Variants in NWD2 observed in about 807,000 individuals in gnomAD.
The protein encoded by NWD2 is NACHT and WD repeat domain containing 2, also known as NACHT and WD repeat domain-containing protein 2.
A neutral mutation model predicts 132.7 loss-of-function variants in NWD2; 37 were observed. That is an observed-to-expected ratio of 0.28 (90% CI 0.21 to 0.37). The LOEUF (loss-of-function observed/expected upper bound fraction) is 0.37. Ranked by LOEUF, NWD2 falls within the 10% of genes least tolerant of loss-of-function variation. The pLI is 1.00. For missense variants in NWD2, 1,592 were observed against 2,122.4 expected (o/e 0.75, Z 4.91); for synonymous variants, 705 against 803.0 (o/e 0.88, Z 2.06).
intron 1 of NWD2, among the ~76,000 whole-genome samples, chr4:37,290,770 A>G (rs1450393290): frequency 6.6e-6 from 1 of 152,214 alleles, no homozygotes; most frequent in Non-Finnish European, 1.5e-5. Context: ...GACATTTCTC[A>G]TGAGAGGCTA....
At chr4:37,250,590 A>G (rs1717338377) in intron 1 of NWD2, among the ~76,000 whole-genome samples, 1 of 152,198 alleles carries the variant, frequency 6.6e-6, no homozygotes, top group Admixed American at 6.5e-5. Context: ...TATTAAATAC[A>G]TGTTTGCTAT....
chr4:37,423,207 G>T (rs1711875485), intron 3 of NWD2, among the ~76,000 whole-genome samples: 1 of 152,078 alleles, frequency 6.6e-6, no homozygotes, highest in Non-Finnish European at 1.5e-5. Context: ...ATGTCTGTTG[G>T]TGCCAAAAAT....
Position 37,446,010 on chromosome 4 carries a change from A to C in NWD2, c.4022A>C (p.His1341Pro). 2.6e-6 allele frequency: 4 copies of C among 1,551,794 alleles called. No individual in the cohort carries two copies. The highest frequency in any genetic ancestry group is 3.5e-6 in the Non-Finnish European group (4 of 1,147,014). Reference sequence around the variant, plus strand: ...TCCCTGGATGGATCCGATTGTGTTCATAAGTGGAACTTCAGCAGTGGCTTC... The same window carrying C: ...TCCCTGGATGGATCCGATTGTGTTCCTAAGTGGAACTTCAGCAGTGGCTTC... ...IYSLDGSDCV[H>P]KWNFSSGFIE... The change falls in exon 7 of 7, where the codon CAT becomes CCT. Residue 1341 changes from histidine (H) to proline (P), a missense_variant. Coordinates refer to ENST00000309447, the MANE Select transcript of NWD2 (RefSeq NM_001144990.2). The surrounding 1 kb of genome is among the most constrained non-coding windows in gnomAD (Gnocchi z 6.7).
intron 1 of NWD2, among the ~76,000 whole-genome samples, chr4:37,299,109 A>G (rs1387035159): frequency 6.6e-6 from 1 of 152,092 alleles, no homozygotes; most frequent in Non-Finnish European, 1.5e-5. Context: ...TTCCTACTGC[A>G]GTAAAGTTCT....
At chr4:37,288,141 C>T (rs901143697) in intron 1 of NWD2, among the ~76,000 whole-genome samples, 1 of 152,140 alleles carries the variant, frequency 6.6e-6, no homozygotes, top group African/African-American at 2.4e-5. Context: ...AGGGAAACAA[C>T]ACACACCAGG....
chr4:37,393,334 T>A (rs1252688156), intron 3 of NWD2, among the ~76,000 whole-genome samples: 1 of 152,240 alleles, frequency 6.6e-6, no homozygotes, highest in Non-Finnish European at 1.5e-5. Context: ...ACAGAAATGA[T>A]TGACCCTTAA....
chr4:37,438,988 G>A lies in NWD2; in HGVS notation c.894G>A (p.Leu298=). Residue 298 remains leucine, a synonymous_variant, in exon 6 of 7, where the codon CTG becomes CTA. Coordinates refer to ENST00000309447, the MANE Select transcript of NWD2 (RefSeq NM_001144990.2). The stretch of plus-strand genomic sequence containing the variant: ...GGGACCCAGAAGCCCAAGAGAAGCT[G>A]ATAAAACTCAGGGATGAATTTATTC... ...IIRDPEAQEK[L]IKLRDEFIPT... The A allele has an allele frequency of 6.4e-7, 1 of 1,551,892 alleles. No homozygotes were observed. Among genetic ancestry groups the A allele is most frequent in the Non-Finnish European group, 8.7e-7 (1 of 1,147,034 alleles).
intron 1 of NWD2, among the ~76,000 whole-genome samples, chr4:37,306,085 T>C (rs1376601254): frequency 6.6e-6 from 1 of 152,156 alleles, no homozygotes; most frequent in Admixed American, 6.5e-5. Context: ...TATATGTGTC[T>C]GGAAATTTAT....
In NWD2 at chr4:37,314,933, T is replaced by C. The variant is rs540873537; in HGVS notation, c.152-11003T>C. On this transcript the variant is annotated intron_variant, in intron 1 of 6. Transcript: ENST00000309447. Reference sequence around the variant, plus strand: ...ATTCTAACCACTGCTTTAGCTCCATTTGATAGCTTTTAGCGTGTGCTTTTA... The same window carrying C: ...ATTCTAACCACTGCTTTAGCTCCATCTGATAGCTTTTAGCGTGTGCTTTTA... 3.3e-5 allele frequency among the ~76,000 whole-genome samples: 5 copies of C among 152,336 alleles called. No individual in the cohort carries two copies. In the South Asian group the frequency reaches 1.0e-3, roughly 32 times the overall value.
intron 1 of NWD2, among the ~76,000 whole-genome samples, chr4:37,317,720 A>G (rs888936695): frequency 1.3e-5 from 2 of 152,196 alleles, no homozygotes; most frequent in African/African-American, 4.8e-5. Context: ...AATTTGGTCA[A>G]GTTTGATTAT....
chr4:37,332,608 G>A (rs1415596950), intron 2 of NWD2, among the ~76,000 whole-genome samples: 1 of 152,200 alleles, frequency 6.6e-6, no homozygotes, highest in East Asian at 1.9e-4. Context: ...CTCGCCATGG[G>A]CCTTGGGTGA....
intron 1 of NWD2, among the ~76,000 whole-genome samples, chr4:37,263,849 T>C (rs535352406): frequency 6.6e-6 from 1 of 152,312 alleles, no homozygotes; most frequent in African/African-American, 2.4e-5. Flanking sequence ...TTTTTAGGAA[T>C]AGAATTTTAG....
intron 3 of NWD2, among the ~76,000 whole-genome samples, chr4:37,390,037 G>A (rs571128784): frequency 2.6e-5 from 4 of 152,244 alleles, no homozygotes; most frequent in South Asian, 4.1e-4. Flanking sequence ...TGATCCGCCC[G>A]CCTCAGCCTC....
At chr4:37,281,953 T>C (rs1222956408) in intron 1 of NWD2, among the ~76,000 whole-genome samples, 1 of 152,216 alleles carries the variant, frequency 6.6e-6, no homozygotes, top group African/African-American at 2.4e-5. Flanking sequence ...AAAGCCTTCA[T>C]GATATTTATG....
chr4:37,372,614 C>T (rs1473103112), intron 3 of NWD2, among the ~76,000 whole-genome samples: 1 of 152,212 alleles, frequency 6.6e-6, no homozygotes. Context: ...ACTAGTAACT[C>T]AACGTTTTAA....
At chr4:37,315,888 A>G (rs1046257251) in intron 1 of NWD2, among the ~76,000 whole-genome samples, 5 of 152,004 alleles carry the variant, frequency 3.3e-5, no homozygotes, top group Non-Finnish European at 2.9e-5. Flanking sequence ...TTAATTTATC[A>G]CACTTTAGAT....
In NWD2 at chr4:37,445,253, G is replaced by A. The variant is rs909071581; in HGVS notation, c.3265G>A (p.Gly1089Arg). 28 of 1,551,758 alleles carry A rather than the reference G, an allele frequency of 1.8e-5. No individual in the cohort carries two copies. In the African/African-American group the frequency reaches 2.2e-4, roughly 12 times the overall value. Residue 1089 changes from glycine (G) to arginine (R), a missense_variant, in exon 7 of 7, where the codon GGA becomes AGA. Gly to Arg is a moderately radical substitution (Grantham distance 125, BLOSUM62 -2). Transcript: ENST00000309447. The surrounding 1 kb of genome is among the most constrained non-coding windows in gnomAD (Gnocchi z 4.7). ...TGTCACTGTCATCGATCTGCTGTAC[G>A]GATGGCCGCTTTACCAGTTCCACTG... Reference protein sequence around the residue: ...KDVTVIDLLYGWPLYQFHCWY... With the variant: ...KDVTVIDLLYRWPLYQFHCWY...
At position 37,269,923 on chromosome 4, in the gene NWD2, A is replaced by G. The variant is rs150365748; in HGVS notation, c.151+24705A>G. On this transcript the variant is annotated intron_variant, in intron 1 of 6. Coordinates refer to ENST00000309447, the MANE Select transcript of NWD2 (RefSeq NM_001144990.2). ...AGATGTTTAATTTTATAAACTGTCA[A>G]TTTCTGAAACTGGTTGTACCATTTT... Among the ~76,000 whole-genome samples the G allele has an allele frequency of 1.1e-3, 165 of 151,900 alleles. 1 individual carries two copies. Among genetic ancestry groups the G allele is most frequent in the African/African-American group, 3.6e-3 (151 of 41,500 alleles).
At chr4:37,291,775 A>T (rs1346480830) in intron 1 of NWD2, among the ~76,000 whole-genome samples, 3 of 152,166 alleles carry the variant, frequency 2.0e-5, no homozygotes, top group African/African-American at 7.2e-5. Context: ...GAGATAACTC[A>T]CCTTTTCAAT....
Sources: allele counts gnomAD v4.1 joint callset (sites outside exome capture counted in the v4.1 genomes callset), GRCh38; gene constraint gnomAD v4.1.1; non-coding constraint Gnocchi (gnomAD v3.1); transcripts MANE v1.5; gene names NCBI Gene and HGNC (gene_info 2026-07-23, HGNC 2026-07-21).